The following HNRNPR variants were observed in gnomAD, a reference collection of about 807,000 sequenced individuals.
HNRNPR encodes heterogeneous nuclear ribonucleoprotein R.
In HNRNPR, 4 loss-of-function variants were observed where a neutral mutation model predicts 70.3. The observed-to-expected ratio is 0.06, with a 90% CI of 0.03 to 0.13. HNRNPR has a LOEUF of 0.13. Among genes scored for constraint, HNRNPR ranks in the 10% least tolerant of loss-of-function variants. The pLI is 1.00. For synonymous variants in HNRNPR, 241 were observed against 267.6 expected, an observed-to-expected ratio of 0.90 and a Z score of 0.97; for missense variants, 423 against 788.5, an observed-to-expected ratio of 0.54 and a Z score of 5.55.
intron 6 of HNRNPR, among the ~76,000 whole-genome samples, chr1:23,322,190 ATGTTT>A (rs1050268020): frequency 4.6e-5 from 7 of 152,038 alleles, no homozygotes; most frequent in African/African-American, 1.4e-4. Context: ...ATTTTGAAAA[ATGTTT>A]TATTTAAATC....
At chr1:23,321,838 CTT>C (rs553134553) in intron 6 of HNRNPR, among the ~76,000 whole-genome samples, 175 bp from the exon 7 acceptor site, 37 of 152,270 alleles carry the variant, frequency 2.4e-4, no homozygotes, top group Non-Finnish European at 3.5e-4. Context: ...GTTACAGTCT[CTT>C]GTTTTAGTTT....
rs963045753 is a variant in HNRNPR at position 23,306,250 on chromosome 1, G to A, written c.*4204C>T. On this transcript the variant is annotated 3_prime_UTR_variant, in exon 11 of 11. Coordinates refer to ENST00000302271, the MANE Select transcript of HNRNPR (RefSeq NM_005826.5). ...ATCTGCTACCAATTTAAAAGTAAGT[G>A]AAGTGTTATTATATGTTCCTATTAA... 2 of 152,006 alleles carry A rather than the reference G, an allele frequency of 1.3e-5. No homozygotes were observed. The highest frequency in any genetic ancestry group is 4.8e-5 in the African/African-American group (2 of 41,364). The allele number at this position is 152,006 out of a possible 1,614,324, so 9.4% of individuals were successfully genotyped here. A position where few individuals can be genotyped will look rare whatever the true frequency, so the allele number is the denominator to read the frequency against.
chr1:23,325,722 T>C (rs1645945723), intron 5 of HNRNPR, among the ~76,000 whole-genome samples: 1 of 152,164 alleles, frequency 6.6e-6, no homozygotes. Context: ...AAATCGTTAT[T>C]CCTTCAACTC....
At chr1:23,327,046 T>G (rs1172001814) in intron 5 of HNRNPR, among the ~76,000 whole-genome samples, 1 of 152,186 alleles carries the variant, frequency 6.6e-6, no homozygotes, top group Non-Finnish European at 1.5e-5. Context: ...TAGAAGAATA[T>G]AATTTCTGTT....
At chr1:23,333,752 A>T (rs1179685969) in intron 4 of HNRNPR, 121 bp from the exon 5 acceptor site, 1 of 366,444 alleles carries the variant, frequency 2.7e-6, no homozygotes, top group East Asian at 4.7e-5. Context: ...ATGGTTAGGT[A>T]AAAAAAAAAG....
At chr1:23,339,791 G>A (rs1203731944) in intron 2 of HNRNPR, among the ~76,000 whole-genome samples, 1 of 151,912 alleles carries the variant, frequency 6.6e-6, no homozygotes, top group Admixed American at 6.6e-5. Context: ...CACAACTCAG[G>A]ACACCCATCA....
intron 5 of HNRNPR, among the ~76,000 whole-genome samples, chr1:23,328,231 C>T (rs1235189697): frequency 6.6e-6 from 1 of 152,036 alleles, no homozygotes; most frequent in East Asian, 1.9e-4. Context: ...GTTGGGAAGC[C>T]ATCAGAGAGT....
chr1:23,311,424 A>G lies in HNRNPR; in HGVS notation c.1168-102T>C, dbSNP rs1280323345. On this transcript the variant is annotated intron_variant, in intron 9 of 10. Transcript: ENST00000302271. ...CTTGTGTAATTTAATACACTTAACA[A>G]TTTACTTCACAATTATTTTAAATGG... 5.5e-6 allele frequency: 4 copies of G among 727,774 alleles called. No homozygotes were observed. The East Asian group carries it at 8.4e-5, about 15-fold the overall frequency. 45.1% of individuals were successfully genotyped at this position (727,774 alleles called of 1,614,324 possible).
rs963204594 is a variant in HNRNPR, at chr1:23,306,367, G to A, written c.*4087C>T. 1 of 151,108 alleles carries A rather than the reference G, an allele frequency of 6.6e-6. No individual in the cohort carries two copies. Among genetic ancestry groups the A allele is most frequent in the African/African-American group, 2.4e-5 (1 of 41,074 alleles). The allele number at this position is 151,108 out of a possible 1,614,324, so 9.4% of individuals were successfully genotyped here. A position where few individuals can be genotyped will look rare whatever the true frequency, so the allele number is the denominator to read the frequency against. ...ATATGGGCATTCTCCCACACTTAAT[G>A]CCCCACTACTGATAAAAAAAAAAAT... On this transcript the variant is annotated 3_prime_UTR_variant, in exon 11 of 11. Coordinates refer to ENST00000302271, the MANE Select transcript of HNRNPR (RefSeq NM_005826.5).
chr1:23,338,753 C>G, intron 2 of HNRNPR, 145 bp from the exon 3 acceptor site: 1 of 445,592 alleles, frequency 2.2e-6, no homozygotes, highest in Non-Finnish European at 4.1e-6. Flanking sequence ...ACGCAGCTAT[C>G]CAAATACTAC....
Position 23,310,723 on chromosome 1 carries a change from C to T in HNRNPR, c.1633G>A (p.Gly545Ser), listed in dbSNP as rs1376583201. Residue 545 changes from glycine (G) to serine (S), a missense_variant, in exon 11 of 11, where the codon GGC becomes AGC. Gly to Ser is a moderately conservative substitution (Grantham distance 56). Coordinates refer to ENST00000302271, the MANE Select transcript of HNRNPR (RefSeq NM_005826.5). The surrounding 1 kb of genome is among the most constrained non-coding windows in gnomAD (Gnocchi z 6.0). The stretch of plus-strand genomic sequence containing the variant: ...TGCTGTTGAGCAGGACCCCCTCTGC[C>T]ACCCCTAGAGCCTCTTGGTGGTCCC... ...PLGPPRGSRG[G>S]RGGPAQQQRG... The T allele has an allele frequency of 6.2e-7, 1 of 1,613,678 alleles. No homozygotes were observed.
intron 5 of HNRNPR, among the ~76,000 whole-genome samples, chr1:23,332,748 CA>C (rs1433310632): frequency 7.7e-6 from 1 of 129,368 alleles, no homozygotes; most frequent in Non-Finnish European, 1.7e-5. Flanking sequence ...AAAACAAAAA[CA>C]AAAAAACTTG....
chr1:23,314,681 T>C (rs1645463332), intron 8 of HNRNPR, among the ~76,000 whole-genome samples: 1 of 152,202 alleles, frequency 6.6e-6, no homozygotes, highest in South Asian at 2.1e-4. Context: ...ATTCAAAAGT[T>C]TGATTATACA....
At chr1:23,333,211 A>C (rs940644278) in intron 5 of HNRNPR, among the ~76,000 whole-genome samples, 1 of 152,000 alleles carries the variant, frequency 6.6e-6, no homozygotes, top group African/African-American at 2.4e-5. Context: ...AGACAGAATA[A>C]AGCAATTGCG....
At chr1:23,330,777 T>A (rs1462950170) in intron 5 of HNRNPR, among the ~76,000 whole-genome samples, 1 of 152,188 alleles carries the variant, frequency 6.6e-6, no homozygotes, top group African/African-American at 2.4e-5. Flanking sequence ...AAATGAGATA[T>A]CATAGTCCTC....
In HNRNPR at chr1:23,310,925, A is replaced by G. The variant is rs773113983; in HGVS notation, c.1431T>C (p.Tyr477=). The change falls in exon 11 of 11, where the codon TAT becomes TAC. Residue 477 remains tyrosine (Y), a synonymous_variant. Transcript: ENST00000302271. The surrounding 1 kb of genome is among the most constrained non-coding windows in gnomAD (Gnocchi z 6.0). ...AGCCTCCACGATAGTCGTGATAATC[A>G]TAACCATAGTAATCATCATAGTAAT... ...YEDYYDDYYG[Y]DYHDYRGGYE... 2 of 1,614,034 alleles carry G rather than the reference A, an allele frequency of 1.2e-6. No individual in the cohort carries two copies. The highest frequency in any genetic ancestry group is 1.3e-5 in the African/African-American group (1 of 74,912).
Position 23,333,639 on chromosome 1 carries a change from T to A in HNRNPR, c.385-8A>T, listed in dbSNP as rs530480816. On this transcript the variant is annotated splice_polypyrimidine_tract_variant and splice_region_variant and intron_variant, in intron 4 of 10. Transcript: ENST00000302271. Reference sequence around the variant, plus strand: ...AGTTCTCTCAAGCAAGGCCTAGAGATAATTATACATCTCTTTATACTTGAG... The same window carrying A: ...AGTTCTCTCAAGCAAGGCCTAGAGAAAATTATACATCTCTTTATACTTGAG... 6.8e-6 allele frequency: 10 copies of A among 1,461,784 alleles called. No individual in the cohort carries two copies. In the South Asian group the frequency reaches 1.1e-4, roughly 17 times the overall value. The allele number at this position is 1,461,784 out of a possible 1,614,324, so 90.6% of individuals were successfully genotyped here. A position where few individuals can be genotyped will look rare whatever the true frequency, so the allele number is the denominator to read the frequency against.
intron 6 of HNRNPR, among the ~76,000 whole-genome samples, chr1:23,323,284 A>T (rs571862576): frequency 1.3e-5 from 2 of 150,296 alleles, no homozygotes; most frequent in African/African-American, 5.0e-5. Flanking sequence ...GCATAAGCCA[A>T]ATACTCATAT....
chr1:23,320,836 CTCAA>C (rs1645727685), intron 7 of HNRNPR, among the ~76,000 whole-genome samples: 1 of 152,116 alleles, frequency 6.6e-6, no homozygotes, highest in South Asian at 2.1e-4. Flanking sequence ...AAATCTACTT[CTCAA>C]TCAATTCCAT....
Sources: gnomAD v4.1 joint callset for allele counts (sites outside exome capture counted in the v4.1 genomes callset) on GRCh38, gnomAD v4.1.1 for gene constraint, Gnocchi (gnomAD v3.1) non-coding constraint, MANE v1.5 for transcripts, NCBI Gene and HGNC (gene_info 2026-07-23, HGNC 2026-07-21) for gene names.